The following BCL7B variants were observed in gnomAD, a reference collection of about 807,000 sequenced individuals.
The protein encoded by BCL7B is BAF chromatin remodeling complex subunit BCL7B.
In BCL7B, 11 loss-of-function variants were observed where a neutral mutation model predicts 26.5. The observed-to-expected ratio is 0.42, with a 90% CI of 0.26 to 0.69. BCL7B has a LOEUF of 0.69. BCL7B is among the 30% of genes least tolerant of loss of function. The probability of loss-of-function intolerance (pLI) is 0.28; values close to 1 mark genes in which losing one functional copy is unlikely to be tolerated. For synonymous variants in BCL7B, 111 were observed against 107.9 expected, an observed-to-expected ratio of 1.03 and a Z score of -0.18; for missense variants, 215 against 264.4, an observed-to-expected ratio of 0.81 and a Z score of 1.30.
At chr7:73,539,729 GA>G in intron 4 of BCL7B, 152 bp downstream of exon 4, 1 of 875,764 alleles carries the variant, frequency 1.1e-6, no homozygotes, top group Non-Finnish European at 1.7e-6. Context: ...TGTGAAAGGG[GA>G]AACTATAATC....
At chr7:73,557,202 G>A in intron 1 of BCL7B, 3 of 1,044,954 alleles carry the variant, frequency 2.9e-6, no homozygotes, top group Non-Finnish European at 3.5e-6. Context: ...GGGCACCGAC[G>A]CCAGGCAGCT....
At chr7:73,538,692 C>T (rs1204662206) in intron 4 of BCL7B, among the ~76,000 whole-genome samples, 1 of 151,562 alleles carries the variant, frequency 6.6e-6, no homozygotes, top group Non-Finnish European at 1.5e-5. Flanking sequence ...CAAAGGCTTA[C>T]AGTCCTACTA....
Position 73,548,428 on chromosome 7 carries a change from G to A in BCL7B, c.168+3739C>T, listed in dbSNP as rs545291102. Among the ~76,000 whole-genome samples the A allele has an allele frequency of 6.2e-4, 94 of 151,780 alleles. 1 individual carries two copies. Among genetic ancestry groups the A allele is most frequent in the African/African-American group, 2.2e-3 (91 of 41,378 alleles). ...GAGCAACAGAGTGAGACTCTGTCTC[G>A]AAAAAACAAAACAAAATAAGGAAAC... On this transcript the variant is annotated intron_variant, in intron 2 of 5. Transcript: ENST00000223368.
chr7:73,554,691 A>G (rs1792296893), intron 1 of BCL7B, among the ~76,000 whole-genome samples: 2 of 151,508 alleles, frequency 1.3e-5, no homozygotes, highest in African/African-American at 4.9e-5. Context: ...CCGACTACTC[A>G]GGAGGCTGAG....
chr7:73,538,813 T>C (rs1470881324), intron 4 of BCL7B, among the ~76,000 whole-genome samples: 38 of 134,604 alleles, frequency 2.8e-4, no homozygotes, highest in African/African-American at 1.1e-3. Flanking sequence ...ACCCTATCTC[T>C]TTAAAAAAAA....
In BCL7B at chr7:73,543,569, A is replaced by G; in HGVS notation, c.244T>C (p.Ser82Pro). 1 of 1,613,822 alleles carries G rather than the reference A, an allele frequency of 6.2e-7. No individual in the cohort carries two copies. Among genetic ancestry groups the G allele is most frequent in the South Asian group, 1.1e-5 (1 of 91,070 alleles). ...GFPSDASANS[S>P]LLLEFQDENS... ...TCACCCTGGAATTCAAGAAGGAGAG[A>G]GGAATTGGCTGAGGCATCAGAAGGA... Residue 82 changes from serine to proline, a missense_variant, in exon 3 of 6, where the codon TCT becomes CCT. Coordinates refer to ENST00000223368, the MANE Select transcript of BCL7B (RefSeq NM_001707.4).
At position 73,555,147 on chromosome 7, in the gene BCL7B, T is replaced by C. The variant is rs545796857; in HGVS notation, c.92+2340A>G. On this transcript the variant is annotated intron_variant, in intron 1 of 5. Coordinates refer to ENST00000223368, the MANE Select transcript of BCL7B (RefSeq NM_001707.4). ...GAGGCCAGGCACAGTGGCTCACATC[T>C]GTAATTCCAGCACTTTGGGAGGTCA... Among the ~76,000 whole-genome samples, 11 of 152,310 alleles carry C rather than the reference T, an allele frequency of 7.2e-5. No individual in the cohort carries two copies. In the South Asian group the frequency reaches 1.7e-3, roughly 23 times the overall value.
chr7:73,552,114 A>G, intron 2 of BCL7B, 53 bp downstream of exon 2: 1 of 1,458,548 alleles, frequency 6.9e-7, no homozygotes, highest in Non-Finnish European at 9.4e-7. Flanking sequence ...AAAAGAGGCA[A>G]TCAAATAAAG....
intron 2 of BCL7B, among the ~76,000 whole-genome samples, chr7:73,550,390 G>C (rs1792112539): frequency 6.6e-6 from 1 of 151,666 alleles, no homozygotes; most frequent in Non-Finnish European, 1.5e-5. Flanking sequence ...ACTTAAAATA[G>C]AAAAATTAGC....
chr7:73,544,515 A>C (rs1297863884), intron 2 of BCL7B, among the ~76,000 whole-genome samples: 1 of 152,212 alleles, frequency 6.6e-6, no homozygotes, highest in African/African-American at 2.4e-5. Context: ...AATCCCAGCT[A>C]CTCTGGAGGC....
At chr7:73,541,561 G>A (rs1261173599) in intron 3 of BCL7B, among the ~76,000 whole-genome samples, 1 of 150,998 alleles carries the variant, frequency 6.6e-6, no homozygotes, top group Non-Finnish European at 1.5e-5. Context: ...TCTGCCTCCT[G>A]GGTTCAACTG....
chr7:73,546,869 G>A (rs1554583530), intron 2 of BCL7B, among the ~76,000 whole-genome samples: 1 of 152,080 alleles, frequency 6.6e-6, no homozygotes, highest in African/African-American at 2.4e-5. Flanking sequence ...GAAAAGTTAA[G>A]AAATAAAGCA....
At chr7:73,555,297 C>T (rs1365876484) in intron 1 of BCL7B, among the ~76,000 whole-genome samples, 1 of 151,200 alleles carries the variant, frequency 6.6e-6, no homozygotes, top group Non-Finnish European at 1.5e-5. Flanking sequence ...ATCAGCTACT[C>T]GGGAGGCTGA....
At position 73,536,945 on chromosome 7, in the gene BCL7B, C is replaced by A; in HGVS notation, c.*353G>T. The stretch of plus-strand genomic sequence containing the variant: ...GAGGCACGCTCTCTTCTAGAAGGTG[C>A]CTTCCACATCTCTCTCTTCTCGCAG... On this transcript the variant is annotated 3_prime_UTR_variant, in exon 6 of 6. Transcript: ENST00000223368. The A allele has an allele frequency of 4.5e-6, 1 of 221,448 alleles. No homozygotes were observed. Among genetic ancestry groups the A allele is most frequent in the Non-Finnish European group, 9.2e-6 (1 of 108,898 alleles). 13.7% of individuals were successfully genotyped at this position (221,448 alleles called of 1,614,324 possible).
At chr7:73,557,194 G>T (rs950721309) in intron 1 of BCL7B, 2 of 1,037,940 alleles carry the variant, frequency 1.9e-6, no homozygotes, top group Non-Finnish European at 2.3e-6. Context: ...CCGGGCGCGG[G>T]CACCGACGCC....
At chr7:73,537,800 AT>A in intron 5 of BCL7B, 133 bp downstream of exon 5, 1 of 592,956 alleles carries the variant, frequency 1.7e-6, no homozygotes. Flanking sequence ...AAACAGGAGA[AT>A]TGCTTGAACC....
intron 2 of BCL7B, among the ~76,000 whole-genome samples, chr7:73,544,557 T>A (rs1194006683): frequency 1.3e-5 from 2 of 151,668 alleles, no homozygotes; most frequent in Non-Finnish European, 2.9e-5. Context: ...ACCTGGGGGG[T>A]GGAAGTTGCA....
chr7:73,557,455 C>G, intron 1 of BCL7B, 32 bp downstream of exon 1: 11 of 1,325,254 alleles, frequency 8.3e-6, no homozygotes, highest in Non-Finnish European at 1.1e-5. Flanking sequence ...GATCCGCGAC[C>G]CCCGCCAGCC....
Position 73,557,475 on chromosome 7 carries a change from C to A in BCL7B, c.92+12G>T. The A allele has an allele frequency of 7.1e-7, 1 of 1,402,142 alleles. No homozygotes were observed. Among genetic ancestry groups the A allele is most frequent in the Non-Finnish European group, 9.4e-7 (1 of 1,065,014 alleles). The allele number at this position is 1,402,142 out of a possible 1,614,324, so 86.9% of individuals were successfully genotyped here. On this transcript the variant is annotated intron_variant, in intron 1 of 5. Coordinates refer to ENST00000223368, the MANE Select transcript of BCL7B (RefSeq NM_001707.4). Reference sequence around the variant, plus strand: ...GCGACCCCCGCCAGCCCCCTAAGCTCCGGCCCCTCACCATTTCCGCACTTT... The same window carrying A: ...GCGACCCCCGCCAGCCCCCTAAGCTACGGCCCCTCACCATTTCCGCACTTT...
Sources: gnomAD v4.1 joint callset for allele counts (sites outside exome capture counted in the v4.1 genomes callset) on GRCh38, gnomAD v4.1.1 for gene constraint, MANE v1.5 for transcripts, NCBI Gene and HGNC (gene_info 2026-07-23, HGNC 2026-07-21) for gene names.